SPTBN5: variants seen among roughly 807,000 people sequenced by gnomAD.
The protein encoded by SPTBN5 is spectrin beta, non-erythrocytic 5, also known as spectrin beta chain, non-erythrocytic 5.
Under a neutral mutation model 477.6 loss-of-function variants are expected in SPTBN5, and 513 were observed. The observed-to-expected ratio is 1.07, with a 90% CI of 1.00 to 1.16. The LOEUF is 1.16. Ranked by LOEUF, SPTBN5 falls within the 50% of genes most tolerant of loss-of-function variation. The pLI is 0.00. For synonymous variants in SPTBN5, 2,169 were observed against 2,011.7 expected (o/e 1.08, Z -2.09); for missense variants, 5,062 against 4,731.8 (o/e 1.07, Z -2.05).
In SPTBN5 at chr15:41,874,272, A is replaced by G. The variant is rs1400274629; in HGVS notation, c.4689+20T>C. ...GGGAAGCGGATGTCGGTAATCCTGT[A>G]GGAAGAAGAGGGCTATTACCTTGTG... On this transcript the variant is annotated intron_variant, in intron 24 of 67. Transcript: ENST00000320955. 4.4e-6 allele frequency: 7 copies of G among 1,595,394 alleles called. No homozygotes were observed. Among genetic ancestry groups the G allele is most frequent in the Non-Finnish European group, 6.0e-6 (7 of 1,169,400 alleles).
rs2066868909 is a variant in SPTBN5, at chr15:41,879,413, C to T, written c.3029G>A (p.Gly1010Glu). The change falls in exon 16 of 68, where the codon GGA becomes GAA. Residue 1010 changes from glycine to glutamate, a missense_variant. Coordinates refer to ENST00000320955, the MANE Select transcript of SPTBN5 (RefSeq NM_016642.4). The stretch of plus-strand genomic sequence containing the variant: ...GTCTCGCAGCTGGACCTGTGTGGGT[C>T]CACACTCCTGCAGAAAACTGCACAC... ...VEVCSFLQEC[G>E]PTQVQLRDVL... 6.2e-7 allele frequency: 1 copy of T among 1,610,604 alleles called. No individual in the cohort carries two copies. Among genetic ancestry groups the T allele is most frequent in the Non-Finnish European group, 8.5e-7 (1 of 1,179,658 alleles).
In SPTBN5 at chr15:41,862,680, CA is replaced by C. The variant is rs1269791538; in HGVS notation, c.7264-21del. 1 of 1,545,190 alleles carries C rather than the reference CA, an allele frequency of 6.5e-7. No homozygotes were observed. Among genetic ancestry groups the C allele is most frequent in the Non-Finnish European group, 8.7e-7 (1 of 1,149,056 alleles). On this transcript the variant is annotated intron_variant, in intron 42 of 67. Transcript: ENST00000320955. ...TAGGGACTGCGGGGGAAGCCGGGGT[CA>C]GAGGCTGGGGCAGGGGAGCTCTGGG...
At chr15:41,859,670 T>A (rs1390789765) in intron 47 of SPTBN5, among the ~76,000 whole-genome samples, 6 of 152,010 alleles carry the variant, frequency 3.9e-5, no homozygotes, top group African/African-American at 1.4e-4. Context: ...GAAGTCAGGG[T>A]GGCACTGTGC....
rs61731622 is a variant in SPTBN5, at chr15:41,887,242, C to T, written c.859G>A (p.Gly287Arg). Residue 287 changes from glycine (G) to arginine (R), a missense_variant, in exon 6 of 68, where the codon GGG becomes AGG. By Grantham distance (125) the Gly-to-Arg change is moderately radical. Coordinates refer to ENST00000320955, the MANE Select transcript of SPTBN5 (RefSeq NM_016642.4). ...GTGAGTCTCCTCTGGACAGTCTGCC[C>T]CTGATGCAGGCGGGAGCAGTAGTGG... ...YYHYCSRLHQGQTVQRRLTKI... is the reference protein window; with the variant it reads ...YYHYCSRLHQRQTVQRRLTKI... 6.9e-4 allele frequency: 1,078 copies of T among 1,551,552 alleles called. 5 individuals carry two copies. The African/African-American group carries it at 0.013, about 19-fold the overall frequency.
rs982619275 is a variant in SPTBN5, at chr15:41,861,406, G to T, written c.7815+13C>A. 1.0e-5 allele frequency: 16 copies of T among 1,607,968 alleles called. No homozygotes were observed. In the African/African-American group the frequency reaches 1.7e-4, roughly 17 times the overall value. ...TAATTCCCCCCTCCTGCCCATTCCT[G>T]CTGGGCACCTACCCATAGACCCTCA... On this transcript the variant is annotated intron_variant, in intron 46 of 67. Coordinates refer to ENST00000320955, the MANE Select transcript of SPTBN5 (RefSeq NM_016642.4).
rs771743118 is a variant in SPTBN5, at chr15:41,882,568, G to A, written c.2046+17C>T. Reference sequence around the variant, plus strand: ...CAAGGCGCTGGCGACCGGCGGGCGCGCTCGGGGAGCTGACACCTTGTGTTT... The same window carrying A: ...CAAGGCGCTGGCGACCGGCGGGCGCACTCGGGGAGCTGACACCTTGTGTTT... On this transcript the variant is annotated intron_variant, in intron 10 of 67. Transcript: ENST00000320955. The A allele has an allele frequency of 6.3e-7, 1 of 1,585,060 alleles. No individual in the cohort carries two copies.
At position 41,865,923 on chromosome 15, in the gene SPTBN5, G is replaced by A. The variant is rs746813850; in HGVS notation, c.6823-20C>T. On this transcript the variant is annotated intron_variant, in intron 38 of 67. Coordinates refer to ENST00000320955, the MANE Select transcript of SPTBN5 (RefSeq NM_016642.4). ...CACCTCCTGTGAAGGCCGAGGGTGG[G>A]GAGGGAGCGCTGTGAGCACCAGCCC... 27 of 1,557,194 alleles carry A rather than the reference G, an allele frequency of 1.7e-5. No individual in the cohort carries two copies. Among genetic ancestry groups the A allele is most frequent in the Non-Finnish European group, 2.3e-5 (26 of 1,150,546 alleles).
chr15:41,873,461 C>T lies in SPTBN5; in HGVS notation c.5007+31G>A, dbSNP rs367781649. ...CCCCGTGGTCCATCATCACCCAGAC[C>T]ACACTGCAGGGGAGGCTCAGGACGT... On this transcript the variant is annotated intron_variant, in intron 26 of 67. Transcript: ENST00000320955. The T allele has an allele frequency of 4.7e-6, 7 of 1,502,696 alleles. No individual in the cohort carries two copies. The African/African-American group carries it at 6.9e-5, about 15-fold the overall frequency. The allele number at this position is 1,502,696 out of a possible 1,614,324, so 93.1% of individuals were successfully genotyped here.
chr15:41,854,312 A>C, intron 56 of SPTBN5, 107 bp from the exon 57 acceptor site: 3 of 1,191,600 alleles, frequency 2.5e-6, no homozygotes, highest in Admixed American at 5.2e-5. Context: ...AAGGAGGATC[A>C]TGGGGCTTGA....
intron 59 of SPTBN5, 70 bp downstream of exon 59, chr15:41,853,188 G>C: frequency 6.6e-7 from 1 of 1,522,838 alleles, no homozygotes; most frequent in Non-Finnish European, 8.9e-7. Flanking sequence ...TGCCTGTGAG[G>C]GGCCCTGAGG....
chr15:41,883,793 C>CT lies in SPTBN5; in HGVS notation c.1521-308dup, dbSNP rs11296254. Among the ~76,000 whole-genome samples, 791 of 146,180 alleles carry CT rather than the reference C, an allele frequency of 5.4e-3. 5 individuals carry two copies. The highest frequency in any genetic ancestry group is 0.024 in the East Asian group (118 of 5,018). ...TCCTTCCAGGCGCCCAGACTAAAAT[C>CT]TTTTTTTTTTTCTTTTGAGACAGAA... On this transcript the variant is annotated intron_variant, in intron 7 of 67. Coordinates refer to ENST00000320955, the MANE Select transcript of SPTBN5 (RefSeq NM_016642.4).
chr15:41,849,117 CA>C (rs938884926), intron 67 of SPTBN5, among the ~76,000 whole-genome samples: 31 of 152,354 alleles, frequency 2.0e-4, no homozygotes, highest in African/African-American at 7.5e-4. Flanking sequence ...GGGGCCCATG[CA>C]CGGAGGATTT....
Position 41,860,757 on chromosome 15 carries a change from T to A in SPTBN5, c.7817A>T (p.Asp2606Val). 1 of 1,579,544 alleles carries A rather than the reference T, an allele frequency of 6.3e-7. No homozygotes were observed. Among genetic ancestry groups the A allele is most frequent in the Non-Finnish European group, 8.6e-7 (1 of 1,164,438 alleles). ...EDSLASEGLW[D>V]PLAPMEPLLW... ...AAGGGGCTCCATGGGGGCCAAGGGGTCCTGGTGGGAGTGGGGAACCCAATA... is the reference window on the plus strand; with the variant it reads ...AAGGGGCTCCATGGGGGCCAAGGGGACCTGGTGGGAGTGGGGAACCCAATA... Residue 2606 changes from aspartate to valine, a missense_variant and splice_region_variant, in exon 47 of 68, where the codon GAC becomes GTC. By Grantham distance (152) the Asp-to-Val change is radical (BLOSUM62 -3). Transcript: ENST00000320955.
rs752618284 is a variant in SPTBN5 at position 41,858,906 on chromosome 15, A to T, written c.8063T>A (p.Leu2688Gln). The T allele has an allele frequency of 1.9e-6, 3 of 1,592,170 alleles. No homozygotes were observed. In the South Asian group the frequency reaches 3.4e-5, roughly 18 times the overall value. Residue 2688 changes from leucine to glutamine, a missense_variant, in exon 48 of 68, where the codon CTG becomes CAG. Leu to Gln is a moderately radical substitution (Grantham distance 113). Transcript: ENST00000320955. ...LEELRQLQAF[L>Q]QDSQEVAAWL... is the part of the protein sequence containing the mutation. The stretch of plus-strand genomic sequence containing the variant: ...GAGGCGAACCTCCTGGGAGTCCTGC[A>T]GGAAGGCCTGCAGCTGCCGGAGCTC...
chr15:41,848,309 C>G lies in SPTBN5; in HGVS notation c.*307G>C. ...GCGTCTACCTGTGCTCAGAGTCACCCCTTCCAAGCAAGGAGGAGGCCACAT... is the reference window on the plus strand; with the variant it reads ...GCGTCTACCTGTGCTCAGAGTCACCGCTTCCAAGCAAGGAGGAGGCCACAT... On this transcript the variant is annotated 3_prime_UTR_variant, in exon 68 of 68. Transcript: ENST00000320955. 5.6e-6 allele frequency: 3 copies of G among 535,756 alleles called. No homozygotes were observed. The highest frequency in any genetic ancestry group is 1.0e-5 in the Non-Finnish European group (3 of 296,558). 33.2% of individuals were successfully genotyped at this position (535,756 alleles called of 1,614,324 possible).
chr15:41,857,962 G>A (rs1340027982), intron 49 of SPTBN5, among the ~76,000 whole-genome samples: 2 of 152,234 alleles, frequency 1.3e-5, no homozygotes, highest in African/African-American at 4.8e-5. Flanking sequence ...GAGCCAGCCT[G>A]GGGTCAGGAC....
At chr15:41,871,176 C>A (rs2066521017) in intron 29 of SPTBN5, among the ~76,000 whole-genome samples, 199 bp downstream of exon 29, 2 of 152,386 alleles carry the variant, frequency 1.3e-5, no homozygotes, top group South Asian at 4.1e-4. Context: ...CTGACCTGCA[C>A]ACCCAGCCTC....
rs757990883 is a variant in SPTBN5, at chr15:41,892,917, C to G, written c.361G>C (p.Ala121Pro). 1 of 1,604,932 alleles carries G rather than the reference C, an allele frequency of 6.2e-7. No homozygotes were observed. The highest frequency in any genetic ancestry group is 8.5e-7 in the Non-Finnish European group (1 of 1,178,396). Residue 121 changes from alanine (A) to proline (P), a missense_variant, in exon 3 of 68, where the codon GCT becomes CCT. Transcript: ENST00000320955. ...RVHFLENSSRALAFLRAKVPV... is the reference protein window; with the variant it reads ...RVHFLENSSRPLAFLRAKVPV... ...ACCTTGGCCCTGAGGAAGGCCAGAG[C>G]TCGGCTGCTGTTCTCCAGGAAGTGC...
rs753226244 is a variant in SPTBN5, at chr15:41,855,593, C to T, written c.9174G>A (p.Leu3058=). The T allele has an allele frequency of 6.2e-6, 10 of 1,611,852 alleles. No individual in the cohort carries two copies. The East Asian group carries it at 2.0e-4, about 32-fold the overall frequency. Residue 3058 remains leucine, a synonymous_variant, in exon 54 of 68, where the codon CTG becomes CTA. Coordinates refer to ENST00000320955, the MANE Select transcript of SPTBN5 (RefSeq NM_016642.4). The stretch of plus-strand genomic sequence containing the variant: ...TCTCCAGGAGTGCTGCTGTCTGCTG[C>T]AGCCGCTCGATGCGTGGGCTGAACG... ...LEAFSPRIER[L]QQTAALLESR...
Sources: gnomAD v4.1 joint callset for allele counts (sites outside exome capture counted in the v4.1 genomes callset) on GRCh38, gnomAD v4.1.1 for gene constraint, MANE v1.5 for transcripts, NCBI Gene and HGNC (gene_info 2026-07-23, HGNC 2026-07-21) for gene names.